LRP1B: variants seen among roughly 807,000 people sequenced by gnomAD.
LRP1B encodes the protein low-density lipoprotein receptor-related protein 1B.
A neutral mutation model predicts 556.6 loss-of-function variants in LRP1B; 217 were observed. The ratio of observed to expected loss-of-function variants is 0.39; its 90% CI spans 0.35 to 0.44. The LOEUF is 0.44. LRP1B is among the 20% of genes least tolerant of loss of function. The pLI is 1.00. For synonymous variants in LRP1B, 2,047 were observed against 1,865.8 expected (o/e 1.10, Z -2.50); for missense variants, 5,053 against 5,620.8 (o/e 0.90, Z 3.23).
chr2:141,145,099 T>C (rs917965160), intron 7 of LRP1B, among the ~76,000 whole-genome samples: 9 of 152,186 alleles, frequency 5.9e-5, no homozygotes, highest in African/African-American at 2.2e-4. Context: ...AGAAACTTTT[T>C]TTGCTTTCAG....
At chr2:140,490,068 G>C (rs144229272) in intron 57 of LRP1B, among the ~76,000 whole-genome samples, 1 of 152,096 alleles carries the variant, frequency 6.6e-6, no homozygotes, top group East Asian at 1.9e-4. Context: ...TCAAAATAAT[G>C]TCTAAAAACT....
intron 22 of LRP1B, among the ~76,000 whole-genome samples, chr2:140,905,811 T>C (rs1409820112): frequency 1.3e-5 from 2 of 152,172 alleles, no homozygotes; most frequent in Non-Finnish European, 2.9e-5. Flanking sequence ...AATCTTTACT[T>C]ACTGTTTTAC....
rs139594276 is a variant in LRP1B, at chr2:141,621,045, T to C, written c.206-140512A>G. 3.9e-3 allele frequency among the ~76,000 whole-genome samples: 595 copies of C among 152,312 alleles called. 3 individuals are homozygous for C. The highest frequency in any genetic ancestry group is 0.014 in the African/African-American group (573 of 41,584). On this transcript the variant is annotated intron_variant, in intron 2 of 90. Coordinates refer to ENST00000389484, the MANE Select transcript of LRP1B (RefSeq NM_018557.3). ...TAAACCAGAGCATGATGCTTTTTAT[T>C]TACATCAGCATTTGTACTTGAGAAA...
At chr2:141,074,958 C>T (rs1469768567) in intron 7 of LRP1B, among the ~76,000 whole-genome samples, 1 of 152,022 alleles carries the variant, frequency 6.6e-6, no homozygotes, top group Admixed American at 6.6e-5. Flanking sequence ...CTGTATCTAG[C>T]CAATTTTCAT....
intron 2 of LRP1B, among the ~76,000 whole-genome samples, chr2:141,494,825 AACACACACACACAAAC>A (rs745522682): frequency 3.5e-5 from 4 of 115,386 alleles, no homozygotes; most frequent in Admixed American, 9.1e-5. Flanking sequence ...TTCAGATTGA[AACACACACACACAAAC>A]ACACACACAC....
chr2:141,295,030 AT>A (rs971069569), intron 3 of LRP1B, among the ~76,000 whole-genome samples: 112 of 152,154 alleles, frequency 7.4e-4, no homozygotes, highest in African/African-American at 2.2e-3. Flanking sequence ...TAGCAAAAAT[AT>A]TTTTTATTAG....
At chr2:140,345,727 CACATATATAT>C (rs201199769) in intron 77 of LRP1B, among the ~76,000 whole-genome samples, 3,957 of 132,324 alleles carry the variant, frequency 0.03, 84 homozygotes, top group Non-Finnish European at 0.048. Flanking sequence ...TATATATATA[CACATATATAT>C]ACATATATAT....
intron 3 of LRP1B, among the ~76,000 whole-genome samples, chr2:141,320,690 A>C (rs2105470263): frequency 6.6e-6 from 1 of 152,268 alleles, no homozygotes. Context: ...TGGGTTACTT[A>C]GTACTTTCAT....
intron 2 of LRP1B, among the ~76,000 whole-genome samples, chr2:141,600,937 C>T (rs971896610): frequency 1.3e-5 from 2 of 152,148 alleles, no homozygotes; most frequent in Non-Finnish European, 2.9e-5. Flanking sequence ...GTTGAGCTGT[C>T]CATATATCCA....
intron 3 of LRP1B, among the ~76,000 whole-genome samples, chr2:141,375,026 G>A (rs1000823426): frequency 4.6e-5 from 7 of 152,102 alleles, no homozygotes; most frequent in African/African-American, 1.7e-4. Context: ...TTGCTTTGTA[G>A]GGGAAAATTT....
intron 1 of LRP1B, among the ~76,000 whole-genome samples, chr2:142,073,601 T>G (rs1334869722): frequency 6.6e-6 from 1 of 152,098 alleles, no homozygotes; most frequent in Non-Finnish European, 1.5e-5. Flanking sequence ...AGTCTGTTTT[T>G]ATGTAAATCA....
chr2:141,251,979 C>T (rs1490236531), intron 4 of LRP1B, among the ~76,000 whole-genome samples: 1 of 152,048 alleles, frequency 6.6e-6, no homozygotes, highest in Non-Finnish European at 1.5e-5. Flanking sequence ...ACCCTTCTTC[C>T]TCTCCCACCA....
At chr2:141,246,183 A>G (rs77581024) in intron 5 of LRP1B, among the ~76,000 whole-genome samples, 3,322 of 152,320 alleles carry the variant, frequency 0.022, 93 homozygotes, top group African/African-American at 0.066. Flanking sequence ...GGTATATACC[A>G]TGAAATAGAA....
intron 1 of LRP1B, among the ~76,000 whole-genome samples, chr2:141,972,121 A>G (rs764949122): frequency 2.2e-4 from 33 of 151,532 alleles, no homozygotes; most frequent in Admixed American, 7.9e-4. Flanking sequence ...GTAAACAAAT[A>G]CATGTATATT....
intron 7 of LRP1B, among the ~76,000 whole-genome samples, chr2:141,134,859 T>C (rs1251014818): frequency 6.6e-6 from 1 of 151,830 alleles, no homozygotes; most frequent in Non-Finnish European, 1.5e-5. Flanking sequence ...CTTGGCTACA[T>C]AGGTTATTAC....
In LRP1B at chr2:140,896,562, G is replaced by A. The variant is rs539245780; in HGVS notation, c.3766+6358C>T. On this transcript the variant is annotated intron_variant, in intron 23 of 90. Coordinates refer to ENST00000389484, the MANE Select transcript of LRP1B (RefSeq NM_018557.3). ...AGTGGCATAGTCATGGCTCACTGCA[G>A]TCTCAATCTCCTGGGCTCAGCCAAT... is the stretch of plus-strand genomic sequence containing the variant. Among the ~76,000 whole-genome samples, 106 of 152,298 alleles carry A rather than the reference G, an allele frequency of 7.0e-4. 2 individuals are homozygous for A. The highest frequency in any genetic ancestry group is 2.4e-3 in the African/African-American group (100 of 41,568).
At position 140,532,945 on chromosome 2, in the gene LRP1B, T is replaced by TAC. The variant is rs998927157; in HGVS notation, c.7762+1075_7762+1076insGT. 4.3e-5 allele frequency among the ~76,000 whole-genome samples: 4 copies of TAC among 92,674 alleles called. 1 individual carries two copies. The highest frequency in any genetic ancestry group is 1.5e-4 in the African/African-American group (4 of 26,424). The allele number at this position is 92,674 out of a possible 152,430, so 60.8% of individuals were successfully genotyped here. A position where few individuals can be genotyped will look rare whatever the true frequency, so the allele number is the denominator to read the frequency against. ...ACAGCACAAGATATATATATATATATATACACATATATATCTCGATCTGTT... is the reference window on the plus strand; with the variant it reads ...ACAGCACAAGATATATATATATATATACATACACATATATATCTCGATCTGTT... On this transcript the variant is annotated intron_variant, in intron 47 of 90. Transcript: ENST00000389484.
intron 3 of LRP1B, among the ~76,000 whole-genome samples, chr2:141,303,651 CT>C (rs1686477411): frequency 6.6e-6 from 1 of 152,104 alleles, no homozygotes; most frequent in Non-Finnish European, 1.5e-5. Context: ...ACCCCATTTT[CT>C]TTATCCATTC....
At chr2:140,893,155 A>G (rs936658802) in intron 23 of LRP1B, among the ~76,000 whole-genome samples, 2 of 152,170 alleles carry the variant, frequency 1.3e-5, no homozygotes, top group Admixed American at 6.6e-5. Flanking sequence ...TTCCTGCCTG[A>G]CCTTCAAAAG....
Sources: allele counts gnomAD v4.1 joint callset (sites outside exome capture counted in the v4.1 genomes callset), GRCh38; gene constraint gnomAD v4.1.1; transcripts MANE v1.5; gene names NCBI Gene and HGNC (gene_info 2026-07-23, HGNC 2026-07-21).